LIMCH1: variants seen among roughly 807,000 people sequenced by gnomAD.
The protein encoded by LIMCH1 is LIM and calponin homology domains-containing protein 1.
Under a neutral mutation model 176.5 loss-of-function variants are expected in LIMCH1, and 113 were observed. The ratio of observed to expected loss-of-function variants is 0.64; its 90% confidence interval spans 0.55 to 0.75. The LOEUF is 0.75. Among genes scored for constraint, LIMCH1 ranks in the 30% least tolerant of loss-of-function variants. LIMCH1 has a pLI of 0.00. For missense variants in LIMCH1, 1,674 were observed against 1,814.9 expected, an observed-to-expected ratio of 0.92 and a Z score of 1.41; for synonymous variants, 619 against 645.9, an observed-to-expected ratio of 0.96 and a Z score of 0.63.
chr4:41,458,406 G>A (rs1407728720), intron 1 of LIMCH1, among the ~76,000 whole-genome samples: 2 of 152,110 alleles, frequency 1.3e-5, no homozygotes, highest in African/African-American at 2.4e-5. Flanking sequence ...AATCACATAT[G>A]TGCAGGAAAC....
chr4:41,456,969 A>G (rs1025700457), intron 1 of LIMCH1, among the ~76,000 whole-genome samples: 2 of 152,124 alleles, frequency 1.3e-5, no homozygotes, highest in Admixed American at 6.5e-5. Flanking sequence ...TTCTCTTCCT[A>G]TGTAAGAGCA....
intron 3 of LIMCH1, among the ~76,000 whole-genome samples, chr4:41,527,822 CAAAAAAAAAAAAAAA>C (rs34651693): frequency 4.2e-5 from 2 of 47,122 alleles, no homozygotes; most frequent in Non-Finnish European, 9.4e-5. Flanking sequence ...GACTCCGTCT[CAAAAAAAAAAAAAAA>C]AAAAAAAAAA....
At chr4:41,456,134 A>G (rs535906033) in intron 1 of LIMCH1, among the ~76,000 whole-genome samples, 2 of 152,242 alleles carry the variant, frequency 1.3e-5, no homozygotes, top group South Asian at 4.1e-4. Flanking sequence ...TGTCAGTGAG[A>G]CGATTTGGCC....
Position 41,538,241 on chromosome 4 carries a change from C to T in LIMCH1, c.-350C>T, listed in dbSNP as rs950067828. ...TGTTTTGGGAAAGGAAATGTAAGGG[C>T]ATTTCGGCTGCTGTGCTGGGGCTGA... is the stretch of plus-strand genomic sequence containing the variant. On this transcript the variant is annotated 5_prime_UTR_variant, in exon 1 of 32. Coordinates refer to ENST00000503057, the MANE Select transcript of LIMCH1 (RefSeq NM_001330672.2). The T allele has an allele frequency of 3.0e-6, 3 of 985,440 alleles. No individual in the cohort carries two copies. The highest frequency in any genetic ancestry group is 3.6e-6 in the Non-Finnish European group (3 of 830,038). 61.0% of individuals were successfully genotyped at this position (985,440 alleles called of 1,614,324 possible). A position where few individuals can be genotyped will look rare whatever the true frequency, so the allele number is the denominator to read the frequency against.
At chr4:41,654,450 T>C (rs1447426192) in intron 18 of LIMCH1, among the ~76,000 whole-genome samples, 4 of 152,148 alleles carry the variant, frequency 2.6e-5, no homozygotes, top group Admixed American at 6.5e-5. Context: ...GTTTGGTAAG[T>C]TGGGTGTATT....
chr4:41,578,061 G>A (rs935875350), intron 1 of LIMCH1, among the ~76,000 whole-genome samples: 1 of 152,044 alleles, frequency 6.6e-6, no homozygotes, highest in African/African-American at 2.4e-5. Flanking sequence ...AAGGCTTTTG[G>A]CACCCATTTC....
chr4:41,624,496 G>A (rs559374441), intron 7 of LIMCH1, among the ~76,000 whole-genome samples: 35 of 151,696 alleles, frequency 2.3e-4, no homozygotes, highest in Admixed American at 5.9e-4. Context: ...ACGAACCTTT[G>A]TGACTCTGGA....
Position 41,626,811 on chromosome 4 carries a change from G to C in LIMCH1, c.829G>C (p.Gly277Arg). 3 of 1,536,328 alleles carry C rather than the reference G, an allele frequency of 2.0e-6. No individual in the cohort carries two copies. The highest frequency in any genetic ancestry group is 2.6e-6 in the Non-Finnish European group (3 of 1,146,944). Residue 277 changes from glycine (G) to arginine (R), a missense_variant, in exon 8 of 32, where the codon GGT (glycine) becomes CGT (arginine). Coordinates refer to ENST00000503057, the MANE Select transcript of LIMCH1 (RefSeq NM_001330672.2). ...HQHGNDSEAE[G>R]EVVCRLPDLE... ...ACATGGCAACGATTCAGAGGCAGAAGGTGAAGTTGTGTGTCGACTGCCTGA... is the reference window on the plus strand; with the variant it reads ...ACATGGCAACGATTCAGAGGCAGAACGTGAAGTTGTGTGTCGACTGCCTGA...
At chr4:41,589,165 A>T (rs571508765) in intron 1 of LIMCH1, among the ~76,000 whole-genome samples, 40 of 152,354 alleles carry the variant, frequency 2.6e-4, no homozygotes, top group African/African-American at 8.7e-4. Flanking sequence ...ATGAAAGAGC[A>T]GGTGTTATAG....
rs562474712 is a variant in LIMCH1 at position 41,670,802 on chromosome 4, A to T, written c.3398-752A>T. 3.5e-5 allele frequency: 54 copies of T among 1,535,808 alleles called. 1 individual carries two copies. In the East Asian group the frequency reaches 1.3e-3, roughly 36 times the overall value. On this transcript the variant is annotated intron_variant, in intron 21 of 31. Transcript: ENST00000503057. Reference sequence around the variant, plus strand: ...TTTTTCTCCCAGTCAGGTAAACTGCATACTGGGTAGCTGTATTTCTTTTGT... The same window carrying T: ...TTTTTCTCCCAGTCAGGTAAACTGCTTACTGGGTAGCTGTATTTCTTTTGT...
At chr4:41,367,064 A>G (rs2053122372) in intron 1 of LIMCH1, among the ~76,000 whole-genome samples, 1 of 152,178 alleles carries the variant, frequency 6.6e-6, no homozygotes, top group South Asian at 2.1e-4. Context: ...ATTAGCTCTC[A>G]TGAGAACTCA....
At chr4:41,477,239 T>A (rs1026703477) in intron 1 of LIMCH1, among the ~76,000 whole-genome samples, 13 of 152,172 alleles carry the variant, frequency 8.5e-5, no homozygotes, top group Non-Finnish European at 1.5e-4. Context: ...TCCAGGCTCC[T>A]GATAGCCCAC....
intron 1 of LIMCH1, among the ~76,000 whole-genome samples, chr4:41,574,225 T>C (rs968673526): frequency 8.2e-6 from 1 of 122,114 alleles, no homozygotes; most frequent in Non-Finnish European, 1.6e-5. Flanking sequence ...CTTATATCCT[T>C]GAAGATCCCC....
intron 18 of LIMCH1, among the ~76,000 whole-genome samples, chr4:41,654,070 GA>G (rs371551527): frequency 2.6e-5 from 4 of 152,026 alleles, no homozygotes; most frequent in African/African-American, 4.8e-5. Context: ...AACTTGGTAG[GA>G]AAAAAATGTT....
chr4:41,672,762 G>T (rs1456542081), intron 22 of LIMCH1, among the ~76,000 whole-genome samples: 1 of 152,164 alleles, frequency 6.6e-6, no homozygotes, highest in Non-Finnish European at 1.5e-5. Context: ...GACTTTCTCT[G>T]TGGCACAACC....
intron 1 of LIMCH1, among the ~76,000 whole-genome samples, chr4:41,572,724 G>A (rs1330690791): frequency 1.3e-5 from 2 of 152,168 alleles, no homozygotes; most frequent in African/African-American, 2.4e-5. Context: ...ATTGTCACAT[G>A]GTGTTTGTGT....
At chr4:41,561,297 T>C (rs990983610) in intron 1 of LIMCH1, among the ~76,000 whole-genome samples, 2 of 152,036 alleles carry the variant, frequency 1.3e-5, no homozygotes, top group Admixed American at 6.6e-5. Flanking sequence ...CTTGGCTGTA[T>C]TTTTTTCCCC....
At position 41,551,668 on chromosome 4, in the gene LIMCH1, AAAG is replaced by A. The variant is rs201697672; in HGVS notation, c.-241+13324_-241+13326del. Among the ~76,000 whole-genome samples the A allele has an allele frequency of 8.9e-3, 1,357 of 152,302 alleles. 20 individuals carry two copies. The highest frequency in any genetic ancestry group is 0.03 in the African/African-American group (1,241 of 41,558). On this transcript the variant is annotated intron_variant, in intron 1 of 31. Transcript: ENST00000503057. ...ATCTTTAAATGGTTGGAAAAAAATAAAAGAAGAATATTTCATAATACATGGAAA... is the reference window on the plus strand; with the variant it reads ...ATCTTTAAATGGTTGGAAAAAAATAAAAGAATATTTCATAATACATGGAAA...
At chr4:41,576,735 AGTGTAGTCTTAC>A (rs2084536886) in intron 1 of LIMCH1, among the ~76,000 whole-genome samples, 1 of 152,146 alleles carries the variant, frequency 6.6e-6, no homozygotes, top group African/African-American at 2.4e-5. Flanking sequence ...GCCTAATTTG[AGTGTAGTCTTAC>A]TATGGAATGC....
Sources: gnomAD v4.1 joint callset for allele counts (sites outside exome capture counted in the v4.1 genomes callset) on GRCh38, gnomAD v4.1.1 for gene constraint, MANE v1.5 for transcripts, NCBI Gene and HGNC (gene_info 2026-07-23, HGNC 2026-07-21) for gene names.